Variants in RIN3 observed in about 807,000 individuals in gnomAD.
RIN3 encodes RAB5 interacting protein 3.
A neutral mutation model predicts 76.3 loss-of-function variants in RIN3; 54 were observed. The ratio of observed to expected loss-of-function variants is 0.71; its 90% CI spans 0.57 to 0.89. RIN3 has a LOEUF of 0.89. Among genes scored for constraint, RIN3 ranks in the 40% least tolerant of loss-of-function variants. RIN3 has a pLI of 0.00. For missense variants in RIN3, 1,256 were observed against 1,322.1 expected, an observed-to-expected ratio of 0.95 and a Z score of 0.78; for synonymous variants, 576 against 564.0, an observed-to-expected ratio of 1.02 and a Z score of -0.30.
At chr14:92,566,163 G>C (rs566806219) in intron 2 of RIN3, among the ~76,000 whole-genome samples, 22 of 152,296 alleles carry the variant, frequency 1.4e-4, no homozygotes, top group Admixed American at 3.9e-4. Context: ...TTCGTCTAGT[G>C]GGAAGTCTGG....
At chr14:92,638,282 G>A (rs1244812241) in intron 4 of RIN3, among the ~76,000 whole-genome samples, 1 of 152,210 alleles carries the variant, frequency 6.6e-6, no homozygotes, top group African/African-American at 2.4e-5. Context: ...GGAAATGAGT[G>A]GGGCACACCC....
chr14:92,528,528 C>T (rs1896805853), intron 1 of RIN3, among the ~76,000 whole-genome samples: 1 of 152,016 alleles, frequency 6.6e-6, no homozygotes, highest in South Asian at 2.1e-4. Flanking sequence ...GCCCTGGTTC[C>T]ACACCCCCTT....
At chr14:92,620,830 A>G (rs1324902156) in intron 4 of RIN3, among the ~76,000 whole-genome samples, 1 of 152,130 alleles carries the variant, frequency 6.6e-6, no homozygotes, top group East Asian at 1.9e-4. Flanking sequence ...GTTCGCCAAT[A>G]TTTTCATACA....
chr14:92,673,460 A>T (rs1234342769), intron 7 of RIN3, among the ~76,000 whole-genome samples: 1 of 152,212 alleles, frequency 6.6e-6, no homozygotes, highest in Non-Finnish European at 1.5e-5. Context: ...AGTATTTTTT[A>T]AAAAATAAAA....
At chr14:92,588,940 G>A (rs926918097) in intron 3 of RIN3, among the ~76,000 whole-genome samples, 1 of 152,218 alleles carries the variant, frequency 6.6e-6, no homozygotes, top group African/African-American at 2.4e-5. Flanking sequence ...CCCATGAAGT[G>A]TAGGAGTTAG....
At chr14:92,680,326 A>G (rs1205998956) in intron 8 of RIN3, among the ~76,000 whole-genome samples, 1 of 151,928 alleles carries the variant, frequency 6.6e-6, no homozygotes. Flanking sequence ...CAGGCTCCCA[A>G]GTAGCTGGGA....
intron 8 of RIN3, among the ~76,000 whole-genome samples, chr14:92,680,385 A>G: frequency 6.6e-6 from 1 of 152,144 alleles, no homozygotes; most frequent in East Asian, 1.9e-4. Context: ...TTTTTAGTAC[A>G]GACAGGGTTC....
chr14:92,595,151 C>T (rs1023498938), intron 3 of RIN3, among the ~76,000 whole-genome samples: 1 of 152,190 alleles, frequency 6.6e-6, no homozygotes, highest in African/African-American at 2.4e-5. Context: ...CAAATCTAGT[C>T]AAGGAGGCAG....
intron 6 of RIN3, among the ~76,000 whole-genome samples, chr14:92,654,742 C>T (rs893162713): frequency 1.3e-5 from 2 of 152,284 alleles, no homozygotes; most frequent in East Asian, 1.9e-4. Context: ...AGCAGAGAGT[C>T]GACAAAGAGT....
At chr14:92,639,912 G>A (rs1271149281) in intron 4 of RIN3, among the ~76,000 whole-genome samples, 1 of 143,622 alleles carries the variant, frequency 7.0e-6, no homozygotes, top group Non-Finnish European at 1.5e-5. Context: ...CTGCCTGACT[G>A]TGCGTTCGTC....
At chr14:92,687,767 C>T (rs1210791538) in intron 9 of RIN3, 159 bp from the exon 10 acceptor site, 5 of 635,890 alleles carry the variant, frequency 7.9e-6, no homozygotes, top group African/African-American at 3.9e-5. Context: ...ACGGGCCCCC[C>T]GCAGGCTCGC....
chr14:92,615,041 C>T (rs1277361305), intron 3 of RIN3, among the ~76,000 whole-genome samples: 1 of 151,904 alleles, frequency 6.6e-6, no homozygotes, highest in African/African-American at 2.4e-5. Flanking sequence ...ACAGGTTTCA[C>T]CATGTTGGCC....
Position 92,582,878 on chromosome 14 carries a change from G to A in RIN3, c.367+5401G>A, listed in dbSNP as rs556934184. ...TGTTTCTTTGCCGAGTTAATGTGCC[G>A]CTCCTGCCTCTTTGCTCTCTTCCTG... On this transcript the variant is annotated intron_variant, in intron 3 of 9. Transcript: ENST00000216487. 5.9e-5 allele frequency among the ~76,000 whole-genome samples: 9 copies of A among 152,244 alleles called. No individual in the cohort carries two copies. In the South Asian group the frequency reaches 6.2e-4, roughly 11 times the overall value.
intron 7 of RIN3, among the ~76,000 whole-genome samples, chr14:92,669,979 T>G (rs1875819688): frequency 6.6e-6 from 1 of 152,026 alleles, no homozygotes; most frequent in African/African-American, 2.4e-5. Flanking sequence ...CACTGCAGCC[T>G]CAACCTCCTG....
chr14:92,636,499 G>C (rs939777093), intron 4 of RIN3, among the ~76,000 whole-genome samples: 2 of 152,062 alleles, frequency 1.3e-5, no homozygotes, highest in African/African-American at 4.8e-5. Context: ...CAGGAGAACT[G>C]CTTGGACCTG....
At chr14:92,557,802 G>T (rs1335002721) in intron 2 of RIN3, among the ~76,000 whole-genome samples, 1 of 152,242 alleles carries the variant, frequency 6.6e-6, no homozygotes, top group East Asian at 1.9e-4. Context: ...CCCCTGGTAG[G>T]TTCTCAGGAA....
At chr14:92,606,952 A>C (rs1853102566) in intron 3 of RIN3, among the ~76,000 whole-genome samples, 1 of 152,276 alleles carries the variant, frequency 6.6e-6, no homozygotes, top group Non-Finnish European at 1.5e-5. Flanking sequence ...TGTTCACAGC[A>C]GCATTACTTG....
At chr14:92,605,556 C>T (rs573116344) in intron 3 of RIN3, among the ~76,000 whole-genome samples, 17 of 152,330 alleles carry the variant, frequency 1.1e-4, no homozygotes, top group Admixed American at 2.6e-4. Context: ...GATTAACAAA[C>T]GCTCACACTT....
intron 2 of RIN3, chr14:92,576,183 T>A: frequency 8.2e-7 from 1 of 1,226,422 alleles, no homozygotes. Flanking sequence ...CCAGAAGGTG[T>A]CACCTGCCAA....
Sources: gnomAD v4.1 joint callset for allele counts (sites outside exome capture counted in the v4.1 genomes callset) on GRCh38, gnomAD v4.1.1 for gene constraint, MANE v1.5 for transcripts, NCBI Gene and HGNC (gene_info 2026-07-23, HGNC 2026-07-21) for gene names.